Variants in KMT5C observed in about 807,000 individuals in gnomAD.
The protein encoded by KMT5C is lysine methyltransferase 5C, also known as histone-lysine N-methyltransferase KMT5C.
In KMT5C, 16 loss-of-function variants were observed where a neutral mutation model predicts 38.2. That is an observed-to-expected ratio of 0.42 (90% CI 0.28 to 0.64). KMT5C has a LOEUF of 0.64. Ranked by LOEUF, KMT5C falls within the 30% of genes least tolerant of loss-of-function variation. The pLI, the probability that KMT5C is intolerant of heterozygous loss-of-function variation, is 0.23. For synonymous variants in KMT5C, 291 were observed against 279.0 expected, an observed-to-expected ratio of 1.04 and a Z score of -0.43; for missense variants, 598 against 665.1, an observed-to-expected ratio of 0.90 and a Z score of 1.11.
rs2089565652 is a variant in KMT5C, at chr19:55,342,212, C to T, written c.111-3C>T. On this transcript the variant is annotated splice_region_variant and splice_polypyrimidine_tract_variant and intron_variant, in intron 2 of 8. Coordinates refer to ENST00000255613, the MANE Select transcript of KMT5C (RefSeq NM_032701.4). Reference sequence around the variant, plus strand: ...TGGGACCCAGGCATGCCCTCTCCCCCAGCCCTGTGCCCCCCCTGCGGCGAC... The same window carrying T: ...TGGGACCCAGGCATGCCCTCTCCCCTAGCCCTGTGCCCCCCCTGCGGCGAC... The T allele has an allele frequency of 1.2e-6, 2 of 1,608,566 alleles. No individual in the cohort carries two copies. Among genetic ancestry groups the T allele is most frequent in the African/African-American group, 1.3e-5 (1 of 74,870 alleles).
At chr19:55,340,352 C>T (rs967284610) in intron 1 of KMT5C, among the ~76,000 whole-genome samples, 8 of 151,488 alleles carry the variant, frequency 5.3e-5, no homozygotes, top group African/African-American at 1.9e-4. Context: ...CTCTCACCCC[C>T]GGGACCTCCC....
intron 6 of KMT5C, among the ~76,000 whole-genome samples, chr19:55,345,397 G>A (rs941229162): frequency 6.6e-6 from 1 of 152,180 alleles, no homozygotes; most frequent in African/African-American, 2.4e-5. Flanking sequence ...GGAGGCCCAT[G>A]TGCAGGAGGC....
intron 1 of KMT5C, among the ~76,000 whole-genome samples, chr19:55,340,533 C>T (rs1481437090): frequency 6.6e-6 from 1 of 151,940 alleles, no homozygotes; most frequent in Non-Finnish European, 1.5e-5. Flanking sequence ...CCTGGGCTCT[C>T]ACCGCCTACC....
chr19:55,347,189 G>A lies in KMT5C; in HGVS notation c.1129G>A (p.Gly377Ser). Residue 377 changes from glycine (G) to serine (S), a missense_variant, in exon 9 of 9, where the codon GGC (glycine) becomes AGC (serine). This residue lies in a region of KMT5C where 326 missense variants were observed against 298.1 expected (regional missense o/e 1.09). Transcript: ENST00000255613. This position sits in a 1 kb window ranked among gnomAD's most constrained non-coding sequence, Gnocchi z 4.6. Reference sequence around the variant, plus strand: ...GCGAGGAGAGGCCCTGGTGGCCCTGGGCCAGCCCCCCCACGCCCGCTGGGC... The same window carrying A: ...GCGAGGAGAGGCCCTGGTGGCCCTGAGCCAGCCCCCCCACGCCCGCTGGGC... ...RLRGEALVALGQPPHARWAPQ... is the reference protein window; with the variant it reads ...RLRGEALVALSQPPHARWAPQ... 1 of 1,537,538 alleles carries A rather than the reference G, an allele frequency of 6.5e-7. No homozygotes were observed. Among genetic ancestry groups the A allele is most frequent in the East Asian group, 2.4e-5 (1 of 40,952 alleles).
chr19:55,342,058 TG>T lies in KMT5C; in HGVS notation c.110+17del. 1 of 1,608,260 alleles carries T rather than the reference TG, an allele frequency of 6.2e-7. No homozygotes were observed. The highest frequency in any genetic ancestry group is 2.2e-5 in the East Asian group (1 of 44,844). On this transcript the variant is annotated intron_variant, in intron 2 of 8. Transcript: ENST00000255613. ...AAGATGAACGTCAGGTGAGGTGGCC[TG>T]GGGGCGAGGGTGGGCCCGAGGGGTC...
intron 6 of KMT5C, chr19:55,345,126 A>G (rs1316132038): frequency 2.2e-6 from 1 of 452,528 alleles, no homozygotes; most frequent in Admixed American, 2.4e-5. Context: ...AGCACACGAG[A>G]GGGCGGCCAG....
Position 55,347,516 on chromosome 19 carries a change from G to A in KMT5C, c.*67G>A. 3 of 1,477,548 alleles carry A rather than the reference G, an allele frequency of 2.0e-6. No homozygotes were observed. Among genetic ancestry groups the A allele is most frequent in the Non-Finnish European group, 1.8e-6 (2 of 1,122,590 alleles). 91.5% of individuals were successfully genotyped at this position (1,477,548 alleles called of 1,614,324 possible). On this transcript the variant is annotated 3_prime_UTR_variant, in exon 9 of 9. Coordinates refer to ENST00000255613, the MANE Select transcript of KMT5C (RefSeq NM_032701.4). This position sits in a 1 kb window ranked among gnomAD's most constrained non-coding sequence, Gnocchi z 4.6. Reference sequence around the variant, plus strand: ...TCCTAGCTGCTACCCAGGACCTCCAGAAGGAGCCCTTGGACCTCTGGGAGG... The same window carrying A: ...TCCTAGCTGCTACCCAGGACCTCCAAAAGGAGCCCTTGGACCTCTGGGAGG...
At position 55,343,753 on chromosome 19, in the gene KMT5C, A is replaced by G. The variant is rs1201561469; in HGVS notation, c.460A>G (p.Arg154Gly). 1 of 1,601,896 alleles carries G rather than the reference A, an allele frequency of 6.2e-7. No individual in the cohort carries two copies. Among genetic ancestry groups the G allele is most frequent in the Non-Finnish European group, 8.5e-7 (1 of 1,174,092 alleles). The change falls in exon 5 of 9, where the codon AGG (arginine) becomes GGG (glycine). Residue 154 changes from arginine (R) to glycine (G), a missense_variant. By Grantham distance (125) the Arg-to-Gly change is moderately radical. Transcript: ENST00000255613. The surrounding 1 kb of genome is among the most constrained non-coding windows in gnomAD (Gnocchi z 5.5). ...GCGGGAGGCAGATGAGGGGCTGCTG[A>G]GGGCCGGTGAGAATGACTTCAGCAT... ...ELREADEGLL[R>G]AGENDFSIMY... is the part of the protein sequence containing the mutation.
rs1395084596 is a variant in KMT5C, at chr19:55,347,040, A to G, written c.980A>G (p.Gln327Arg). 1 of 1,537,414 alleles carries G rather than the reference A, an allele frequency of 6.5e-7. No individual in the cohort carries two copies. Among genetic ancestry groups the G allele is most frequent in the Non-Finnish European group, 8.9e-7 (1 of 1,127,070 alleles). Reference protein sequence around the residue: ...PLWLQWLPQPQPRVRPRKRRR... With the variant: ...PLWLQWLPQPRPRVRPRKRRR... ...TGGCTCCAGTGGCTGCCTCAGCCCC[A>G]GCCCCGAGTGCGGCCCCGGAAGCGC... The change falls in exon 9 of 9, where the codon CAG (glutamine) becomes CGG (arginine). Residue 327 changes from glutamine to arginine, a missense_variant. Coordinates refer to ENST00000255613, the MANE Select transcript of KMT5C (RefSeq NM_032701.4). This position sits in a 1 kb window ranked among gnomAD's most constrained non-coding sequence, Gnocchi z 4.6.
rs1219002991 is a variant in KMT5C at position 55,346,312 on chromosome 19, G to C, written c.670G>C (p.Glu224Gln). 1 of 1,613,970 alleles carries C rather than the reference G, an allele frequency of 6.2e-7. No individual in the cohort carries two copies. Among genetic ancestry groups the C allele is most frequent in the Non-Finnish European group, 8.5e-7 (1 of 1,179,974 alleles). The change falls in exon 7 of 9, where the codon GAG becomes CAG. Residue 224 changes from glutamate to glutamine, a missense_variant. Glu to Gln is a conservative substitution (Grantham distance 29). Coordinates refer to ENST00000255613, the MANE Select transcript of KMT5C (RefSeq NM_032701.4). Reference sequence around the variant, plus strand: ...CTTCTACGGCGAGGGCTTCTTCGGCGAGAAGAATGAGCACTGTGAATGCCA... The same window carrying C: ...CTTCTACGGCGAGGGCTTCTTCGGCCAGAAGAATGAGCACTGTGAATGCCA... ...TCFYGEGFFG[E>Q]KNEHCECHTC...
chr19:55,347,223 A>C lies in KMT5C; in HGVS notation c.1163A>C (p.Gln388Pro), dbSNP rs1372229425. The C allele has an allele frequency of 1.9e-6, 3 of 1,541,950 alleles. No homozygotes were observed. The highest frequency in any genetic ancestry group is 2.6e-6 in the Non-Finnish European group (3 of 1,147,336). Residue 388 changes from glutamine to proline, a missense_variant, in exon 9 of 9, where the codon CAG becomes CCG. By Grantham distance (76) the Gln-to-Pro change is moderately conservative. Coordinates refer to ENST00000255613, the MANE Select transcript of KMT5C (RefSeq NM_032701.4). The surrounding 1 kb of genome is among the most constrained non-coding windows in gnomAD (Gnocchi z 4.6). ...CCCCACGCCCGCTGGGCCCCTCAGC[A>C]GGACTGGCACTGGGCCCGGCGCTAT... Reference protein sequence around the residue: ...QPPHARWAPQQDWHWARRYGL... With the variant: ...QPPHARWAPQPDWHWARRYGL...
Position 55,347,300 on chromosome 19 carries a change from C to A in KMT5C, c.1240C>A (p.Pro414Thr), listed in dbSNP as rs570501553. Residue 414 changes from proline to threonine, a missense_variant, in exon 9 of 9, where the codon CCA becomes ACA. By Grantham distance (38) the Pro-to-Thr change is conservative. Coordinates refer to ENST00000255613, the MANE Select transcript of KMT5C (RefSeq NM_032701.4). This position sits in a 1 kb window ranked among gnomAD's most constrained non-coding sequence, Gnocchi z 4.6. ...VDLRRLAPAP[P>T]ATPAPAGTPG... ...CCTTCGTCGCCTGGCCCCAGCCCCA[C>A]CAGCTACCCCAGCCCCTGCTGGGAC... The A allele has an allele frequency of 6.4e-7, 1 of 1,569,408 alleles. No homozygotes were observed. Among genetic ancestry groups the A allele is most frequent in the African/African-American group, 1.3e-5 (1 of 74,220 alleles).
At position 55,344,060 on chromosome 19, in the gene KMT5C, A is replaced by G. The variant is rs973225412; in HGVS notation, c.570+63A>G. On this transcript the variant is annotated intron_variant, in intron 6 of 8. Transcript: ENST00000255613. ...AAGAAAGGGTGCCTGTGGCCTGGGG[A>G]AAGGGTTTTTGGTCAGTAAAGAGCC... 7 of 1,576,660 alleles carry G rather than the reference A, an allele frequency of 4.4e-6. No homozygotes were observed. In the African/African-American group the frequency reaches 5.4e-5, roughly 12 times the overall value.
Position 55,347,453 on chromosome 19 carries a change from G to A in KMT5C, c.*4G>A, listed in dbSNP as rs749523007. ...TGTCGGCGGTGAAGAGCTGTGACAG[G>A]CCGGACGGGGAGGCCCAGCAGGGAG... On this transcript the variant is annotated 3_prime_UTR_variant, in exon 9 of 9. Coordinates refer to ENST00000255613, the MANE Select transcript of KMT5C (RefSeq NM_032701.4). This position sits in a 1 kb window ranked among gnomAD's most constrained non-coding sequence, Gnocchi z 4.6. 2 of 1,523,732 alleles carry A rather than the reference G, an allele frequency of 1.3e-6. No homozygotes were observed. Among genetic ancestry groups the A allele is most frequent in the Admixed American group, 4.0e-5 (2 of 49,866 alleles). 94.4% of individuals were successfully genotyped at this position (1,523,732 alleles called of 1,614,324 possible). A position where few individuals can be genotyped will look rare whatever the true frequency, so the allele number is the denominator to read the frequency against.
intron 2 of KMT5C, 79 bp from the exon 3 acceptor site, chr19:55,342,136 G>A: frequency 6.3e-7 from 1 of 1,585,834 alleles, no homozygotes; most frequent in Admixed American, 1.7e-5. Context: ...CCTTAGCCTG[G>A]TCCTCCCCTC....
chr19:55,341,977 A>T lies in KMT5C; in HGVS notation c.41A>T (p.Asn14Ile), dbSNP rs2089562264. 2.5e-6 allele frequency: 4 copies of T among 1,613,672 alleles called. No individual in the cohort carries two copies. The highest frequency in any genetic ancestry group is 3.4e-6 in the Non-Finnish European group (4 of 1,179,958). Residue 14 changes from asparagine to isoleucine, a missense_variant, in exon 2 of 9, where the codon AAC becomes ATC. This residue lies in a region of KMT5C where 167 missense variants were observed against 187.8 expected (regional missense o/e 0.89). Transcript: ENST00000255613. Reference protein sequence around the residue: ...DRVTARELCENDDLATSLVLD... With the variant: ...DRVTARELCEIDDLATSLVLD... ...GTGACAGCACGAGAACTGTGCGAGA[A>T]CGACGACCTGGCCACCAGCCTCGTC...
At chr19:55,345,299 C>G (rs1037765937) in intron 6 of KMT5C, 1 of 352,614 alleles carries the variant, frequency 2.8e-6, no homozygotes, top group Non-Finnish European at 5.6e-6. Context: ...GGCTTTGATC[C>G]GGCAGCAAGG....
At chr19:55,345,781 C>A (rs2123198695) in intron 6 of KMT5C, among the ~76,000 whole-genome samples, 1 of 152,262 alleles carries the variant, frequency 6.6e-6, no homozygotes, top group South Asian at 2.1e-4. Flanking sequence ...TGAGGCAGGC[C>A]TCAGAGAAGC....
chr19:55,346,124 T>C, intron 6 of KMT5C, 89 bp from the exon 7 acceptor site: 3 of 1,535,336 alleles, frequency 2.0e-6, no homozygotes, highest in Non-Finnish European at 2.7e-6. Context: ...GAGAGGACGC[T>C]CCGGGCCAGG....
Sources: allele counts gnomAD v4.1 joint callset (sites outside exome capture counted in the v4.1 genomes callset), GRCh38; gene constraint gnomAD v4.1.1; regional missense constraint gnomAD v4.1.1; non-coding constraint Gnocchi (gnomAD v3.1); transcripts MANE v1.5; gene names NCBI Gene and HGNC (gene_info 2026-07-23, HGNC 2026-07-21).